Variants in ADGRL4 observed in about 807,000 individuals in gnomAD.
ADGRL4 encodes the protein adhesion G protein-coupled receptor L4.
A neutral mutation model predicts 74.8 loss-of-function variants in ADGRL4; 90 were observed. The observed-to-expected ratio is 1.20, with a 90% confidence interval of 1.02 to 1.43. The LOEUF is 1.43. Ranked by LOEUF, ADGRL4 falls within the 40% of genes most tolerant of loss-of-function variation. The pLI is 0.00. For synonymous variants in ADGRL4, 311 were observed against 279.2 expected, an observed-to-expected ratio of 1.11 and a Z score of -1.14; for missense variants, 881 against 814.3, an observed-to-expected ratio of 1.08 and a Z score of -1.00.
intron 2 of ADGRL4, among the ~76,000 whole-genome samples, chr1:78,969,819 A>G (rs1219630271): frequency 6.6e-6 from 1 of 152,100 alleles, no homozygotes; most frequent in Non-Finnish European, 1.5e-5. Context: ...ATTTTAGAGT[A>G]ACCCTTCTTG....
At chr1:78,983,563 G>A (rs1650437623) in intron 2 of ADGRL4, among the ~76,000 whole-genome samples, 1 of 151,750 alleles carries the variant, frequency 6.6e-6, no homozygotes, top group South Asian at 2.1e-4. Flanking sequence ...AGACACATAA[G>A]CAAAGAGATA....
chr1:78,984,556 G>A (rs998436700), intron 2 of ADGRL4, among the ~76,000 whole-genome samples: 2 of 151,716 alleles, frequency 1.3e-5, no homozygotes, highest in African/African-American at 4.8e-5. Context: ...TGTAGTGTAT[G>A]CAAGTTCTAA....
At chr1:78,911,236 T>A (rs1051658401) in intron 12 of ADGRL4, among the ~76,000 whole-genome samples, 7 of 151,854 alleles carry the variant, frequency 4.6e-5, no homozygotes, top group African/African-American at 1.7e-4. Context: ...TAGGAATGAT[T>A]GGGATTAAAG....
At chr1:78,972,598 G>T (rs1650191852) in intron 2 of ADGRL4, among the ~76,000 whole-genome samples, 1 of 152,046 alleles carries the variant, frequency 6.6e-6, no homozygotes, top group African/African-American at 2.4e-5. Context: ...GGAACATATT[G>T]GGAAATAAAA....
Position 78,930,155 on chromosome 1 carries a change from T to C in ADGRL4, c.878-3064A>G, listed in dbSNP as rs184399658. On this transcript the variant is annotated intron_variant, in intron 7 of 14. Coordinates refer to ENST00000370742, the MANE Select transcript of ADGRL4 (RefSeq NM_022159.4). ...GAAATAGTGTCTCTCCATGAGACCA[T>C]ATGTGTGTTGAGGTATATAGTTTCC... Among the ~76,000 whole-genome samples, 379 of 151,542 alleles carry C rather than the reference T, an allele frequency of 2.5e-3. 13 individuals carry two copies. The highest frequency in any genetic ancestry group is 8.6e-3 in the African/African-American group (353 of 40,870).
chr1:78,989,237 T>C (rs1306033575), intron 2 of ADGRL4, among the ~76,000 whole-genome samples: 3 of 151,770 alleles, frequency 2.0e-5, no homozygotes, highest in Non-Finnish European at 4.4e-5. Flanking sequence ...ATTTTTGTAT[T>C]GTACTTTATA....
intron 2 of ADGRL4, among the ~76,000 whole-genome samples, chr1:78,986,547 G>A (rs111414627): frequency 0.053 from 7,980 of 151,828 alleles, 297 homozygotes; most frequent in African/African-American, 0.1. Context: ...GGAGTTCAAG[G>A]CTGAAGTAAG....
chr1:78,943,466 C>A (rs751440345), intron 3 of ADGRL4, among the ~76,000 whole-genome samples: 1 of 152,154 alleles, frequency 6.6e-6, no homozygotes, highest in Non-Finnish European at 1.5e-5. Context: ...GCAAAATGAA[C>A]TTATGTGTCG....
intron 3 of ADGRL4, among the ~76,000 whole-genome samples, chr1:78,941,579 G>A (rs1483008364): frequency 6.6e-6 from 1 of 150,552 alleles, no homozygotes; most frequent in Non-Finnish European, 1.5e-5. Context: ...TTTTAAATGT[G>A]CAACAGTCTT....
chr1:78,955,771 G>A (rs184469913), intron 2 of ADGRL4, among the ~76,000 whole-genome samples: 1 of 151,834 alleles, frequency 6.6e-6, no homozygotes, highest in African/African-American at 2.4e-5. Context: ...TTATGTTGAT[G>A]AGTTTTTCCA....
intron 12 of ADGRL4, among the ~76,000 whole-genome samples, chr1:78,894,332 C>G (rs531427294): frequency 6.6e-6 from 1 of 151,864 alleles, no homozygotes; most frequent in African/African-American, 2.4e-5. Context: ...GAGGAAATCT[C>G]GGAAGAATAA....
intron 12 of ADGRL4, among the ~76,000 whole-genome samples, chr1:78,916,693 C>A (rs1188887591): frequency 6.6e-6 from 1 of 151,758 alleles, no homozygotes; most frequent in Non-Finnish European, 1.5e-5. Context: ...GCAGTACCCT[C>A]ACAACCATAA....
intron 8 of ADGRL4, among the ~76,000 whole-genome samples, chr1:78,924,484 G>C (rs1649072086): frequency 6.6e-6 from 1 of 151,988 alleles, no homozygotes; most frequent in Non-Finnish European, 1.5e-5. Flanking sequence ...ATGTGAAAAT[G>C]ATGGGGGAAG....
chr1:78,993,815 C>T (rs184447212), intron 2 of ADGRL4, among the ~76,000 whole-genome samples: 16 of 152,132 alleles, frequency 1.1e-4, no homozygotes, highest in Admixed American at 8.5e-4. Context: ...CCTCGTGATC[C>T]GTCCGCCTTG....
intron 2 of ADGRL4, among the ~76,000 whole-genome samples, chr1:78,990,920 A>T (rs1395783607): frequency 6.6e-6 from 1 of 152,018 alleles, no homozygotes; most frequent in Non-Finnish European, 1.5e-5. Flanking sequence ...GACACAAAGG[A>T]TATACAACTC....
At chr1:78,938,607 CTTAAACT>C (rs1649410267) in intron 4 of ADGRL4, among the ~76,000 whole-genome samples, 1 of 152,028 alleles carries the variant, frequency 6.6e-6, no homozygotes, top group Non-Finnish European at 1.5e-5. Context: ...TACCTTAATA[CTTAAACT>C]TCTTAGTACT....
intron 12 of ADGRL4, among the ~76,000 whole-genome samples, chr1:78,909,249 C>T (rs959421520): frequency 2.6e-5 from 4 of 151,962 alleles, no homozygotes; most frequent in African/African-American, 9.7e-5. Flanking sequence ...TTAATGTGGA[C>T]ATCTAAAGTA....
Position 78,927,057 on chromosome 1 carries a change from A to G in ADGRL4, c.912T>C (p.Ser304=). 6.2e-7 allele frequency: 1 copy of G among 1,605,686 alleles called. No homozygotes were observed. Among genetic ancestry groups the G allele is most frequent in the South Asian group, 1.1e-5 (1 of 90,790 alleles). The change falls in exon 8 of 15, where the codon AGT becomes AGC. Residue 304 remains serine (S), a synonymous_variant. Transcript: ENST00000370742. The part of the protein sequence containing the change: ...NVAVAFVYYK[S]IGPLLSSSDN... ...CAGATGATGAAAGCAAAGGACCAATACTCTTATAATATACAAATGCAACTG... is the reference window on the plus strand; with the variant it reads ...CAGATGATGAAAGCAAAGGACCAATGCTCTTATAATATACAAATGCAACTG...
At chr1:78,991,562 C>T (rs1650607889) in intron 2 of ADGRL4, among the ~76,000 whole-genome samples, 1 of 151,810 alleles carries the variant, frequency 6.6e-6, no homozygotes, top group Non-Finnish European at 1.5e-5. Context: ...AAATAACAAC[C>T]TTTAAGTCTC....
Sources: allele counts gnomAD v4.1 joint callset (sites outside exome capture counted in the v4.1 genomes callset), GRCh38; gene constraint gnomAD v4.1.1; transcripts MANE v1.5; gene names NCBI Gene and HGNC (gene_info 2026-07-23, HGNC 2026-07-21).